Variants in ALK observed in about 807,000 individuals in gnomAD.
ALK encodes ALK tyrosine kinase receptor.
In ALK, 74 loss-of-function variants were observed where a neutral mutation model predicts 163.1. The ratio of observed to expected loss-of-function variants is 0.45; its 90% CI spans 0.38 to 0.55. The LOEUF (loss-of-function observed/expected upper bound fraction) is 0.55, where lower values mean the gene tolerates loss of function less well. ALK is among the 20% of genes least tolerant of loss of function. The pLI, the probability that ALK is intolerant of heterozygous loss-of-function variation, is 0.00. For synonymous variants in ALK, 960 were observed against 843.2 expected (o/e 1.14, Z -2.40); for missense variants, 2,063 against 2,105.3 (o/e 0.98, Z 0.39).
chr2:29,472,395 T>G (rs1671368699), intron 4 of ALK, among the ~76,000 whole-genome samples: 1 of 152,208 alleles, frequency 6.6e-6, no homozygotes, highest in African/African-American at 2.4e-5. Flanking sequence ...TTGGGAAAAT[T>G]TTTTATGCCA....
chr2:29,786,145 G>T (rs1007784298), intron 1 of ALK, among the ~76,000 whole-genome samples: 1 of 152,056 alleles, frequency 6.6e-6, no homozygotes, highest in East Asian at 1.9e-4. Context: ...CGATTTTCAC[G>T]TCCCTTGGAG....
chr2:29,547,674 A>G (rs892736080), intron 3 of ALK, among the ~76,000 whole-genome samples: 1 of 152,198 alleles, frequency 6.6e-6, no homozygotes, highest in Non-Finnish European at 1.5e-5. Context: ...TGGATTTCAT[A>G]GGCTGGCTCA....
intron 3 of ALK, among the ~76,000 whole-genome samples, chr2:29,632,404 T>C (rs1326726946): frequency 6.6e-6 from 1 of 152,148 alleles, no homozygotes; most frequent in African/African-American, 2.4e-5. Flanking sequence ...CATTTAGTAA[T>C]CTAGAAGATA....
intron 3 of ALK, among the ~76,000 whole-genome samples, chr2:29,645,886 G>A (rs1396905968): frequency 2.0e-5 from 3 of 152,072 alleles, no homozygotes; most frequent in African/African-American, 7.2e-5. Context: ...TCCCCAAGAT[G>A]CTAATATTGG....
intron 1 of ALK, among the ~76,000 whole-genome samples, chr2:29,864,541 T>C (rs529529933): frequency 7.7e-4 from 117 of 152,344 alleles, no homozygotes; most frequent in Middle Eastern, 3.4e-3. Flanking sequence ...ATCACATCTT[T>C]CTCTTTTACA....
chr2:29,461,352 A>T lies in ALK; in HGVS notation c.1154+70563T>A, dbSNP rs1573374096. Among the ~76,000 whole-genome samples the T allele has an allele frequency of 2.6e-5, 4 of 152,180 alleles. No homozygotes were observed. The South Asian group carries it at 8.3e-4, about 32-fold the overall frequency. On this transcript the variant is annotated intron_variant, in intron 4 of 28. Transcript: ENST00000389048. ...CAACAGATTTTCAATATAGATTAAA[A>T]CTTCCTTCTATTGAAAGATGCCATC...
intron 8 of ALK, among the ~76,000 whole-genome samples, chr2:29,301,551 C>G (rs945415980): frequency 6.6e-6 from 1 of 152,228 alleles, no homozygotes; most frequent in Admixed American, 6.5e-5. Flanking sequence ...TCCTAGGAAG[C>G]TCCTTGGCAC....
intron 3 of ALK, among the ~76,000 whole-genome samples, chr2:29,612,196 C>T (rs943360471): frequency 6.6e-6 from 1 of 152,170 alleles, no homozygotes; most frequent in African/African-American, 2.4e-5. Context: ...AGACAGATAC[C>T]TTTGCAGTTG....
At chr2:29,417,060 T>C (rs62131766) in intron 4 of ALK, among the ~76,000 whole-genome samples, 33,834 of 141,132 alleles carry the variant, frequency 0.24, 4,295 homozygotes, top group Non-Finnish European at 0.29. Context: ...GGATCTCAGC[T>C]CACTGCAAGC....
rs779522399 is a variant in ALK at position 29,622,239 on chromosome 2, G to C, written c.952+72611C>G. On this transcript the variant is annotated intron_variant, in intron 3 of 28. Coordinates refer to ENST00000389048, the MANE Select transcript of ALK (RefSeq NM_004304.5). ...TCAACCAACCAACAAATAAAAAGCA[G>C]TGTATTAGCCTGTTTTCACGCTGCT... is the stretch of plus-strand genomic sequence containing the variant. Among the ~76,000 whole-genome samples, 134 of 152,158 alleles carry C rather than the reference G, an allele frequency of 8.8e-4. 1 individual carries two copies. Among genetic ancestry groups the C allele is most frequent in the Non-Finnish European group, 2.2e-4 (15 of 68,042 alleles).
intron 4 of ALK, among the ~76,000 whole-genome samples, chr2:29,401,166 C>T (rs1558308179): frequency 6.6e-6 from 1 of 152,146 alleles, no homozygotes; most frequent in South Asian, 2.1e-4. Context: ...CCCTTCACTA[C>T]ACCTGATCAA....
At chr2:29,473,994 G>A (rs1671436528) in intron 4 of ALK, among the ~76,000 whole-genome samples, 1 of 152,162 alleles carries the variant, frequency 6.6e-6, no homozygotes, top group South Asian at 2.1e-4. Flanking sequence ...AGTTAAGTTG[G>A]TACAATTACT....
chr2:29,639,373 G>C (rs1405444465), intron 3 of ALK, among the ~76,000 whole-genome samples: 1 of 152,122 alleles, frequency 6.6e-6, no homozygotes, highest in African/African-American at 2.4e-5. Flanking sequence ...TCTGTGCACT[G>C]CCCCTGCCAG....
chr2:29,772,332 T>C (rs761792592), intron 1 of ALK, among the ~76,000 whole-genome samples: 1 of 151,980 alleles, frequency 6.6e-6, no homozygotes, highest in Non-Finnish European at 1.5e-5. Context: ...TAAAAGATGG[T>C]TCATGAAAGG....
At chr2:29,289,414 G>A (rs998104823) in intron 9 of ALK, among the ~76,000 whole-genome samples, 1 of 152,180 alleles carries the variant, frequency 6.6e-6, no homozygotes, top group Non-Finnish European at 1.5e-5. Context: ...TACCCTGCAT[G>A]GCTTATAATT....
At chr2:29,738,995 G>A (rs1232591794) in intron 1 of ALK, among the ~76,000 whole-genome samples, 4 of 151,880 alleles carry the variant, frequency 2.6e-5, no homozygotes, top group Non-Finnish European at 5.9e-5. Flanking sequence ...CCAGTGCTTT[G>A]GGAAGCCAAG....
intron 4 of ALK, among the ~76,000 whole-genome samples, chr2:29,466,909 T>C (rs1671226946): frequency 6.6e-6 from 1 of 152,218 alleles, no homozygotes; most frequent in Admixed American, 6.5e-5. Context: ...GGATAAGCCA[T>C]TTGTTGATGG....
chr2:29,889,954 T>C (rs1216262528), intron 1 of ALK, among the ~76,000 whole-genome samples: 1 of 152,304 alleles, frequency 6.6e-6, no homozygotes, highest in Non-Finnish European at 1.5e-5. Flanking sequence ...CAAGATGCTT[T>C]ACAAAGACAT....
intron 3 of ALK, among the ~76,000 whole-genome samples, chr2:29,566,125 C>G (rs1467101848): frequency 6.6e-6 from 1 of 152,146 alleles, no homozygotes; most frequent in Non-Finnish European, 1.5e-5. Context: ...CCAGGGCCAC[C>G]CACCCAGGGT....
Sources: allele counts gnomAD v4.1 joint callset (sites outside exome capture counted in the v4.1 genomes callset), GRCh38; gene constraint gnomAD v4.1.1; transcripts MANE v1.5; gene names NCBI Gene and HGNC (gene_info 2026-07-23, HGNC 2026-07-21).